NUBPL: variants seen among roughly 807,000 people sequenced by gnomAD.
The protein encoded by NUBPL is NUBP iron-sulfur cluster assembly factor, mitochondrial, also known as iron-sulfur cluster transfer protein NUBPL.
Under a neutral mutation model 45.7 loss-of-function variants are expected in NUBPL, and 31 were observed. The observed-to-expected ratio is 0.68, with a 90% CI of 0.51 to 0.92. NUBPL has a LOEUF of 0.92. Ranked by LOEUF, NUBPL falls within the 40% of genes least tolerant of loss-of-function variation. The pLI, the probability that NUBPL is intolerant of heterozygous loss-of-function variation, is 0.00. For synonymous variants in NUBPL, 144 were observed against 140.9 expected, an observed-to-expected ratio of 1.02 and a Z score of -0.15; for missense variants, 401 against 398.7, an observed-to-expected ratio of 1.01 and a Z score of -0.05.
chr14:31,603,249 A>G (rs1331553440), intron 4 of NUBPL, among the ~76,000 whole-genome samples: 2 of 149,534 alleles, frequency 1.3e-5, no homozygotes, highest in South Asian at 2.1e-4. Flanking sequence ...GCAGTGAGCC[A>G]TGACTGCACC....
intron 6 of NUBPL, among the ~76,000 whole-genome samples, chr14:31,774,532 C>T (rs1185909424): frequency 1.3e-5 from 2 of 152,088 alleles, no homozygotes; most frequent in Non-Finnish European, 1.5e-5. Context: ...GATAGAGACC[C>T]GAGTTCTTTT....
intron 4 of NUBPL, among the ~76,000 whole-genome samples, chr14:31,636,024 T>C (rs2035486206): frequency 6.6e-6 from 1 of 152,154 alleles, no homozygotes; most frequent in Non-Finnish European, 1.5e-5. Context: ...TATACAATCA[T>C]GTCATCTGCA....
chr14:31,802,739 A>G (rs544161885), intron 7 of NUBPL, among the ~76,000 whole-genome samples: 1 of 152,306 alleles, frequency 6.6e-6, no homozygotes, highest in South Asian at 2.1e-4. Flanking sequence ...GCAAAAGAAA[A>G]TGAAATAAGA....
rs181518895 is a variant in NUBPL at position 31,826,194 on chromosome 14, C to T, written c.608-435C>T. Among the ~76,000 whole-genome samples, 135 of 152,166 alleles carry T rather than the reference C, an allele frequency of 8.9e-4. 1 individual carries two copies. The highest frequency in any genetic ancestry group is 3.2e-3 in the African/African-American group (133 of 41,500). ...GGAAGGCAGTGGTGTGATCTCCGCT[C>T]ACCGCAACCTCTGTCTCCCAGGTTC... is the stretch of plus-strand genomic sequence containing the variant. On this transcript the variant is annotated intron_variant, in intron 7 of 10. Transcript: ENST00000281081.
intron 7 of NUBPL, among the ~76,000 whole-genome samples, chr14:31,820,341 A>G (rs969587921): frequency 1.3e-5 from 2 of 152,124 alleles, no homozygotes; most frequent in Non-Finnish European, 2.9e-5. Flanking sequence ...AAGTGACATC[A>G]TTAATGATGG....
intron 6 of NUBPL, among the ~76,000 whole-genome samples, chr14:31,733,690 A>T (rs898357099): frequency 2.0e-5 from 3 of 152,196 alleles, no homozygotes; most frequent in Admixed American, 6.5e-5. Context: ...TAGATTCCAT[A>T]GGATTTTCTG....
intron 7 of NUBPL, among the ~76,000 whole-genome samples, chr14:31,810,700 T>G (rs1176869227): frequency 6.6e-6 from 1 of 152,208 alleles, no homozygotes; most frequent in African/African-American, 2.4e-5. Flanking sequence ...TTGATGCAGT[T>G]TCTTCCTAGC....
intron 6 of NUBPL, among the ~76,000 whole-genome samples, chr14:31,744,617 CTTTTTTTTT>C (rs34367142): frequency 9.6e-6 from 1 of 103,922 alleles, no homozygotes; most frequent in African/African-American, 4.1e-5. Context: ...TTTGTAGAAT[CTTTTTTTTT>C]TTTTTTTTTT....
chr14:31,589,998 C>G (rs1296870296), intron 3 of NUBPL, among the ~76,000 whole-genome samples: 1 of 152,164 alleles, frequency 6.6e-6, no homozygotes, highest in Non-Finnish European at 1.5e-5. Context: ...GAATGACAAG[C>G]CTTATCCTCA....
intron 4 of NUBPL, among the ~76,000 whole-genome samples, chr14:31,630,382 C>G (rs1160413775): frequency 1.3e-5 from 2 of 152,066 alleles, no homozygotes; most frequent in East Asian, 1.9e-4. Flanking sequence ...ATTCTTTATT[C>G]GAATGTGATT....
intron 6 of NUBPL, among the ~76,000 whole-genome samples, chr14:31,708,496 A>G (rs970592606): frequency 6.6e-6 from 1 of 152,186 alleles, no homozygotes; most frequent in African/African-American, 2.4e-5. Flanking sequence ...TCCCTCTCTA[A>G]TAAGGGTGTG....
chr14:31,772,659 A>G (rs58224466), intron 6 of NUBPL, among the ~76,000 whole-genome samples: 56 of 152,332 alleles, frequency 3.7e-4, no homozygotes, highest in African/African-American at 1.3e-3. Flanking sequence ...ACTTTTGGAT[A>G]ACAAGACCTC....
chr14:31,706,500 C>G (rs913704262), intron 6 of NUBPL, among the ~76,000 whole-genome samples: 5 of 152,168 alleles, frequency 3.3e-5, no homozygotes, highest in Non-Finnish European at 5.9e-5. Context: ...CCATGTTGCC[C>G]AACTCCAGAG....
intron 6 of NUBPL, among the ~76,000 whole-genome samples, chr14:31,700,239 T>C (rs999050155): frequency 6.6e-6 from 1 of 152,246 alleles, no homozygotes; most frequent in Non-Finnish European, 1.5e-5. Context: ...AGTAAATGTC[T>C]GTATTATCCA....
chr14:31,827,785 C>T (rs1049536373), intron 8 of NUBPL, among the ~76,000 whole-genome samples: 2 of 152,148 alleles, frequency 1.3e-5, no homozygotes, highest in Non-Finnish European at 2.9e-5. Flanking sequence ...TCAGATTCTT[C>T]AGTGAGACCA....
chr14:31,673,399 G>A lies in NUBPL; in HGVS notation c.422+5G>A, dbSNP rs777939696. The A allele has an allele frequency of 1.2e-6, 2 of 1,607,750 alleles. No homozygotes were observed. Among genetic ancestry groups the A allele is most frequent in the South Asian group, 2.2e-5 (2 of 90,794 alleles). On this transcript the variant is annotated splice_donor_5th_base_variant and intron_variant, in intron 5 of 10. Coordinates refer to ENST00000281081, the MANE Select transcript of NUBPL (RefSeq NM_025152.3). ...CTTGAATTATGGTATTGCTTGGTGAGCATATATATATTTTTAATGTTACTT... is the reference window on the plus strand; with the variant it reads ...CTTGAATTATGGTATTGCTTGGTGAACATATATATATTTTTAATGTTACTT...
chr14:31,764,917 G>A (rs767696927), intron 6 of NUBPL, among the ~76,000 whole-genome samples: 6 of 152,080 alleles, frequency 3.9e-5, no homozygotes, highest in Non-Finnish European at 7.4e-5. Flanking sequence ...ATTTCTCACC[G>A]ATATCTTTAT....
chr14:31,618,384 T>A (rs184418799), intron 4 of NUBPL, among the ~76,000 whole-genome samples: 371 of 152,328 alleles, frequency 2.4e-3, no homozygotes, highest in African/African-American at 8.6e-3. Context: ...CAATTTTAGA[T>A]CTTTCCTGCT....
At chr14:31,653,735 A>G (rs1052259653) in intron 4 of NUBPL, among the ~76,000 whole-genome samples, 18 of 152,238 alleles carry the variant, frequency 1.2e-4, no homozygotes, top group African/African-American at 4.1e-4. Context: ...TTAAAGTAAG[A>G]CAGGCATAAG....
Sources: gnomAD v4.1 joint callset for allele counts (sites outside exome capture counted in the v4.1 genomes callset) on GRCh38, gnomAD v4.1.1 for gene constraint, MANE v1.5 for transcripts, NCBI Gene and HGNC (gene_info 2026-07-23, HGNC 2026-07-21) for gene names.